GOLGA8H: variants seen among roughly 807,000 people sequenced by gnomAD.
GOLGA8H encodes the protein golgin A8 family member H, also known as golgin subfamily A member 8H.
A neutral mutation model predicts 82.7 loss-of-function variants in GOLGA8H; 47 were observed. The ratio of observed to expected loss-of-function variants is 0.57; its 90% CI spans 0.45 to 0.73. The LOEUF is 0.73. Among genes scored for constraint, GOLGA8H ranks in the 30% least tolerant of loss-of-function variants. GOLGA8H has a pLI of 0.00. For synonymous variants in GOLGA8H, 108 were observed against 241.6 expected, an observed-to-expected ratio of 0.45 and a Z score of 5.13; for missense variants, 372 against 661.0, an observed-to-expected ratio of 0.56 and a Z score of 4.79.
At chr15:30,612,409 C>T (rs1344129148) in intron 13 of GOLGA8H, 188 bp from the exon 14 acceptor site, 2 of 352,626 alleles carry the variant, frequency 5.7e-6, no homozygotes, top group South Asian at 1.0e-4. Context: ...AGGCGCTGTA[C>T]AGGCAGTGAC....
rs1224574240 is a variant in GOLGA8H at position 30,617,553 on chromosome 15, G to C, written c.*2992G>C. On this transcript the variant is annotated 3_prime_UTR_variant, in exon 19 of 19. Transcript: ENST00000566740. ...GTAGTATAAAAGAAAGAAATGGTGG[G>C]AACGAAAAGCAGAGAAAGAAATGCC... 6.6e-6 allele frequency: 1 copy of C among 150,890 alleles called. No individual in the cohort carries two copies. Among genetic ancestry groups the C allele is most frequent in the Admixed American group, 6.6e-5 (1 of 15,124 alleles). The allele number at this position is 150,890 out of a possible 1,614,324, so 9.3% of individuals were successfully genotyped here. A position where few individuals can be genotyped will look rare whatever the true frequency, so the allele number is the denominator to read the frequency against.
chr15:30,612,159 AG>A (rs1197936787), intron 13 of GOLGA8H: 1 of 89,634 alleles, frequency 1.1e-5, no homozygotes, highest in Non-Finnish European at 2.2e-5. Flanking sequence ...GTAAGGGGAC[AG>A]GGGCCTGGGC....
In GOLGA8H at chr15:30,609,827, C is replaced by T. The variant is rs573607209; in HGVS notation, c.613C>T (p.Arg205Cys). 60 of 1,586,986 alleles carry T rather than the reference C, an allele frequency of 3.8e-5. No individual in the cohort carries two copies. Among genetic ancestry groups the T allele is most frequent in the Middle Eastern group, 2.3e-4 (1 of 4,414 alleles). ...CCAGTTGTCCAGCCGCAGCAAAGCA[C>T]GTACGGAGTGGAAGTTAGAGCAGTC... ...ANQLSSRSKA[R>C]TEWKLEQSMR... is the part of the protein sequence containing the mutation. The change falls in exon 9 of 19, where the codon CGT becomes TGT. Residue 205 changes from arginine (R) to cysteine (C), a missense_variant. Arg to Cys is a radical substitution (Grantham distance 180). Coordinates refer to ENST00000566740, the MANE Select transcript of GOLGA8H (RefSeq NM_001282490.2).
chr15:30,614,373 CCTCT>C lies in GOLGA8H; in HGVS notation c.1724-9_1724-6del. 1 of 1,520,466 alleles carries C rather than the reference CCTCT, an allele frequency of 6.6e-7. No individual in the cohort carries two copies. Among genetic ancestry groups the C allele is most frequent in the Non-Finnish European group, 8.9e-7 (1 of 1,129,500 alleles). 94.2% of individuals were successfully genotyped at this position (1,520,466 alleles called of 1,614,324 possible). A position where few individuals can be genotyped will look rare whatever the true frequency, so the allele number is the denominator to read the frequency against. On this transcript the variant is annotated splice_polypyrimidine_tract_variant and intron_variant, in intron 18 of 18. Coordinates refer to ENST00000566740, the MANE Select transcript of GOLGA8H (RefSeq NM_001282490.2). Reference sequence around the variant, plus strand: ...CCCACTGTGCTCAGATCCCTGCCTCCCTCTCTCCAAAGATCTTTGTGAGGTGAGC... The same window carrying C: ...CCCACTGTGCTCAGATCCCTGCCTCCCTCCAAAGATCTTTGTGAGGTGAGC...
In GOLGA8H at chr15:30,610,385, G is replaced by C. The variant is rs1443928113; in HGVS notation, c.870G>C (p.Gln290His). ...LERSLSKLKNQMAEPLPPEPP... is the reference protein window; with the variant it reads ...LERSLSKLKNHMAEPLPPEPP... ...GGAGCTTGTCCAAACTCAAAAACCA[G>C]ATGGGTAAGATGGGGCTGGCATGAC... Residue 290 changes from glutamine to histidine, a missense_variant, in exon 11 of 19, where the codon CAG becomes CAC. Gln to His is a conservative substitution (Grantham distance 24, BLOSUM62 0). Coordinates refer to ENST00000566740, the MANE Select transcript of GOLGA8H (RefSeq NM_001282490.2). 2 of 987,322 alleles carry C rather than the reference G, an allele frequency of 2.0e-6. No individual in the cohort carries two copies. Among genetic ancestry groups the C allele is most frequent in the Admixed American group, 2.0e-5 (1 of 51,026 alleles). 61.2% of individuals were successfully genotyped at this position (987,322 alleles called of 1,614,324 possible).
In GOLGA8H at chr15:30,608,870, T is replaced by C. The variant is rs1595622198; in HGVS notation, c.591+114T>C. The stretch of plus-strand genomic sequence containing the variant: ...TCCTGCCCAGAAGGCAGCATGGCCA[T>C]TTCTTGCTACTTTTTTGTATGGTTT... On this transcript the variant is annotated intron_variant, in intron 8 of 18. Coordinates refer to ENST00000566740, the MANE Select transcript of GOLGA8H (RefSeq NM_001282490.2). 2.1e-5 allele frequency: 20 copies of C among 936,990 alleles called. No homozygotes were observed. In the Admixed American group the frequency reaches 3.6e-4, roughly 17 times the overall value. 58.0% of individuals were successfully genotyped at this position (936,990 alleles called of 1,614,324 possible). A position where few individuals can be genotyped will look rare whatever the true frequency, so the allele number is the denominator to read the frequency against.
At position 30,610,035 on chromosome 15, in the gene GOLGA8H, G is replaced by C. The variant is rs1378250140; in HGVS notation, c.715G>C (p.Asp239His). 38 of 1,611,666 alleles carry C rather than the reference G, an allele frequency of 2.4e-5. 3 individuals are homozygous for C. In the East Asian group the frequency reaches 7.8e-4, roughly 33 times the overall value. The change falls in exon 10 of 19, where the codon GAT becomes CAT. Residue 239 changes from aspartate (D) to histidine (H), a missense_variant. Asp to His is a moderately conservative substitution (Grantham distance 81). Transcript: ENST00000566740. The part of the protein sequence containing the change: ...ESFQQVQLER[D>H]ECAEHLKGER... ...ATTTCAACAAGTCCAATTAGAAAGAGATGAGTGTGCTGAACATCTAAAAGG... is the reference window on the plus strand; with the variant it reads ...ATTTCAACAAGTCCAATTAGAAAGACATGAGTGTGCTGAACATCTAAAAGG...
Position 30,610,035 on chromosome 15 carries a change from G to A in GOLGA8H, c.715G>A (p.Asp239Asn), listed in dbSNP as rs1378250140. 2 of 1,611,548 alleles carry A rather than the reference G, an allele frequency of 1.2e-6. No homozygotes were observed. Among genetic ancestry groups the A allele is most frequent in the Non-Finnish European group, 8.5e-7 (1 of 1,179,740 alleles). Residue 239 changes from aspartate to asparagine, a missense_variant, in exon 10 of 19, where the codon GAT becomes AAT. Coordinates refer to ENST00000566740, the MANE Select transcript of GOLGA8H (RefSeq NM_001282490.2). ...ATTTCAACAAGTCCAATTAGAAAGA[G>A]ATGAGTGTGCTGAACATCTAAAAGG... Reference protein sequence around the residue: ...ESFQQVQLERDECAEHLKGER... With the variant: ...ESFQQVQLERNECAEHLKGER...
intron 2 of GOLGA8H, among the ~76,000 whole-genome samples, chr15:30,606,327 C>G (rs1398980541): frequency 6.6e-6 from 1 of 150,798 alleles, no homozygotes; most frequent in Non-Finnish European, 1.5e-5. Flanking sequence ...GCACTCCAGC[C>G]TGGTGACAGA....
rs1260761752 is a variant in GOLGA8H, at chr15:30,617,345, A to G, written c.*2784A>G. 3 of 151,764 alleles carry G rather than the reference A, an allele frequency of 2.0e-5. No individual in the cohort carries two copies. Among genetic ancestry groups the G allele is most frequent in the Non-Finnish European group, 4.4e-5 (3 of 67,884 alleles). The allele number at this position is 151,764 out of a possible 1,614,324, so 9.4% of individuals were successfully genotyped here. A position where few individuals can be genotyped will look rare whatever the true frequency, so the allele number is the denominator to read the frequency against. On this transcript the variant is annotated 3_prime_UTR_variant, in exon 19 of 19. Transcript: ENST00000566740. ...GATAATTTTCCAGAAATGAAAAAAAAAATCAGCTCTAAAACCAAAGCTGAT... is the reference window on the plus strand; with the variant it reads ...GATAATTTTCCAGAAATGAAAAAAAGAATCAGCTCTAAAACCAAAGCTGAT...
At chr15:30,606,090 C>T (rs4583199) in intron 2 of GOLGA8H, 128 bp downstream of exon 2, 722,661 of 1,443,904 alleles carry the variant, frequency 0.5, 183,936 homozygotes, top group African/African-American at 0.73. Context: ...TGTGGTGGCC[C>T]ACGCCTGTAA....
In GOLGA8H at chr15:30,608,388, G is replaced by T. The variant is rs1474353567; in HGVS notation, c.396+10G>T. On this transcript the variant is annotated intron_variant, in intron 6 of 18. Coordinates refer to ENST00000566740, the MANE Select transcript of GOLGA8H (RefSeq NM_001282490.2). The stretch of plus-strand genomic sequence containing the variant: ...CAAAAGGGTGCTAGAGGTGAGTGGA[G>T]GGTGTGCAGTTTCCTCCTGTCCTCC... 6.4e-7 allele frequency: 1 copy of T among 1,569,264 alleles called. No homozygotes were observed. Among genetic ancestry groups the T allele is most frequent in the Non-Finnish European group, 8.6e-7 (1 of 1,160,102 alleles).
At position 30,609,683 on chromosome 15, in the gene GOLGA8H, T is replaced by G. The variant is rs369440864; in HGVS notation, c.592-123T>G. On this transcript the variant is annotated intron_variant, in intron 8 of 18. Transcript: ENST00000566740. ...TCTTTTAAAAACCAGACCACGGGCTTGGAAATGCCTTGATCTTTACTGACT... is the reference window on the plus strand; with the variant it reads ...TCTTTTAAAAACCAGACCACGGGCTGGGAAATGCCTTGATCTTTACTGACT... The G allele has an allele frequency of 1.5e-4, 192 of 1,323,168 alleles. 2 individuals are homozygous for G. Among genetic ancestry groups the G allele is most frequent in the African/African-American group, 8.4e-4 (57 of 68,020 alleles). 82.0% of individuals were successfully genotyped at this position (1,323,168 alleles called of 1,614,324 possible).
Position 30,611,329 on chromosome 15 carries a change from CAGG to C in GOLGA8H, c.1186_1188del (p.Glu396del), listed in dbSNP as rs2060016017. The stretch of plus-strand genomic sequence containing the variant: ...GTTGGAGCAGCAAGTAAAGGAGCTA[CAGG>C]AGAAGCTTGGCGAGGTGAAGGAGAC... On this transcript the variant is annotated inframe_deletion, in exon 13 of 19. Coordinates refer to ENST00000566740, the MANE Select transcript of GOLGA8H (RefSeq NM_001282490.2). 9.7e-7 allele frequency: 1 copy of C among 1,032,414 alleles called. No individual in the cohort carries two copies. The highest frequency in any genetic ancestry group is 1.4e-6 in the Non-Finnish European group (1 of 695,674). The allele number at this position is 1,032,414 out of a possible 1,614,324, so 64.0% of individuals were successfully genotyped here.
At position 30,610,038 on chromosome 15, in the gene GOLGA8H, G is replaced by T. The variant is rs778474169; in HGVS notation, c.718G>T (p.Glu240Ter). The change falls in exon 10 of 19, where the codon GAG becomes TAG. Residue 240 changes from glutamate (E) to a stop codon, truncating the protein, a stop_gained. Transcript: ENST00000566740. LOFTEE classifies it high-confidence loss of function. Reference protein sequence around the residue: ...SFQQVQLERDECAEHLKGERA... With the variant: ...SFQQVQLERD ...TCAACAAGTCCAATTAGAAAGAGAT[G>T]AGTGTGCTGAACATCTAAAAGGAGA... is the stretch of plus-strand genomic sequence containing the variant. 4 of 1,611,526 alleles carry T rather than the reference G, an allele frequency of 2.5e-6. No homozygotes were observed. Among genetic ancestry groups the T allele is most frequent in the Non-Finnish European group, 2.5e-6 (3 of 1,179,748 alleles).
Position 30,605,725 on chromosome 15 carries a change from G to T in GOLGA8H, c.49-118G>T. 1.3e-6 allele frequency: 2 copies of T among 1,489,628 alleles called. 1 individual carries two copies. The highest frequency in any genetic ancestry group is 1.8e-6 in the Non-Finnish European group (2 of 1,119,468). The allele number at this position is 1,489,628 out of a possible 1,614,324, so 92.3% of individuals were successfully genotyped here. A position where few individuals can be genotyped will look rare whatever the true frequency, so the allele number is the denominator to read the frequency against. The stretch of plus-strand genomic sequence containing the variant: ...AAATGAGTGTGACAACACCTTGTAC[G>T]GTTGTTGGTGTCATTAAATCAGATG... On this transcript the variant is annotated intron_variant, in intron 1 of 18. Transcript: ENST00000566740.
rs572253425 is a variant in GOLGA8H at position 30,608,413 on chromosome 15, C to T, written c.396+35C>T. 5.4e-4 allele frequency: 852 copies of T among 1,573,746 alleles called. 9 individuals carry two copies. Among genetic ancestry groups the T allele is most frequent in the Non-Finnish European group, 6.6e-4 (771 of 1,161,134 alleles). ...GGGTGTGCAGTTTCCTCCTGTCCTC[C>T]GGAGAAGGTTTCTTTCCTTCTCTTT... On this transcript the variant is annotated intron_variant, in intron 6 of 18. Coordinates refer to ENST00000566740, the MANE Select transcript of GOLGA8H (RefSeq NM_001282490.2).
At chr15:30,606,318 C>T (rs952585117) in intron 2 of GOLGA8H, among the ~76,000 whole-genome samples, 1 of 150,836 alleles carries the variant, frequency 6.6e-6, no homozygotes, top group Non-Finnish European at 1.5e-5. Flanking sequence ...TATGCCACTG[C>T]ACTCCAGCCT....
At chr15:30,606,226 G>A (rs2059922076) in intron 2 of GOLGA8H, among the ~76,000 whole-genome samples, 1 of 151,416 alleles carries the variant, frequency 6.6e-6, no homozygotes, top group Admixed American at 6.6e-5. Flanking sequence ...GTGGTGGCGT[G>A]TGCCTGTAGT....
Sources: allele counts gnomAD v4.1 joint callset (sites outside exome capture counted in the v4.1 genomes callset), GRCh38; gene constraint gnomAD v4.1.1; transcripts MANE v1.5; gene names NCBI Gene and HGNC (gene_info 2026-07-23, HGNC 2026-07-21).